The following LHX4 variants were observed in gnomAD, a reference collection of about 807,000 sequenced individuals.
The protein encoded by LHX4 is LIM homeobox 4, also known as LIM/homeobox protein Lhx4.
In LHX4, 16 loss-of-function variants were observed where a neutral mutation model predicts 39.2. That is an observed-to-expected ratio of 0.41 (90% CI 0.28 to 0.62). The LOEUF (loss-of-function observed/expected upper bound fraction) is 0.62. Among genes scored for constraint, LHX4 ranks in the 20% least tolerant of loss-of-function variants. The probability of loss-of-function intolerance (pLI) is 0.33; values close to 1 mark genes in which losing one functional copy is unlikely to be tolerated. For synonymous variants in LHX4, 206 were observed against 198.1 expected, an observed-to-expected ratio of 1.04 and a Z score of -0.33; for missense variants, 439 against 511.9, an observed-to-expected ratio of 0.86 and a Z score of 1.37.
At chr1:180,247,438 T>TG (rs1202534880) in intron 1 of LHX4, among the ~76,000 whole-genome samples, 1 of 152,230 alleles carries the variant, frequency 6.6e-6, no homozygotes, top group South Asian at 2.1e-4. Flanking sequence ...GCTTCTGCTG[T>TG]GACTGATCAG....
intron 1 of LHX4, among the ~76,000 whole-genome samples, chr1:180,239,241 C>T (rs924919657): frequency 9.2e-5 from 14 of 152,214 alleles, no homozygotes; most frequent in Admixed American, 6.5e-5. Flanking sequence ...ATGAGCCCCC[C>T]ACTGACAGTA....
intron 2 of LHX4, among the ~76,000 whole-genome samples, chr1:180,251,408 T>C (rs357070): frequency 0.23 from 34,325 of 152,146 alleles, 5,887 homozygotes; most frequent in African/African-American, 0.48. Context: ...GCAGACAGGA[T>C]CCCCAGTGGA....
intron 2 of LHX4, among the ~76,000 whole-genome samples, chr1:180,258,325 G>A (rs1031935833): frequency 1.3e-5 from 2 of 152,212 alleles, no homozygotes; most frequent in Non-Finnish European, 2.9e-5. Flanking sequence ...CAGTGCCCGG[G>A]CCCCAGGAGG....
At chr1:180,262,589 T>C (rs1406268190) in intron 2 of LHX4, among the ~76,000 whole-genome samples, 1 of 152,008 alleles carries the variant, frequency 6.6e-6, no homozygotes, top group Non-Finnish European at 1.5e-5. Context: ...GGGATTGTCC[T>C]GTGATTTCTA....
chr1:180,239,317 A>G (rs1664398470), intron 1 of LHX4, among the ~76,000 whole-genome samples: 1 of 152,254 alleles, frequency 6.6e-6, no homozygotes. Context: ...GAGGCAACAG[A>G]ACAGCAATGT....
chr1:180,235,383 G>C (rs1422807834), intron 1 of LHX4, among the ~76,000 whole-genome samples: 1 of 152,246 alleles, frequency 6.6e-6, no homozygotes, highest in Non-Finnish European at 1.5e-5. Context: ...CGCGAGTGCG[G>C]ACGGCGCGCC....
intron 2 of LHX4, among the ~76,000 whole-genome samples, chr1:180,252,873 C>T (rs190829756): frequency 7.2e-5 from 11 of 152,306 alleles, no homozygotes; most frequent in Admixed American, 7.2e-4. Context: ...AAATTGTACT[C>T]TGTGGTTGTT....
upstream of LHX4, among the ~76,000 whole-genome samples, chr1:180,229,337 C>CG (rs1558204381): frequency 4.6e-5 from 7 of 152,164 alleles, no homozygotes; most frequent in Non-Finnish European, 7.4e-5. Context: ...GGGGAGGCCC[C>CG]GCCGCGGGGA....
chr1:180,247,553 A>T (rs573082602), intron 1 of LHX4, among the ~76,000 whole-genome samples: 4 of 152,286 alleles, frequency 2.6e-5, no homozygotes, highest in Non-Finnish European at 4.4e-5. Flanking sequence ...TCAGTTCTGA[A>T]TTCAAGTCTT....
Position 180,262,281 on chromosome 1 carries a change from G to GA in LHX4, c.249-4092dup, listed in dbSNP as rs34979970. 2.1e-3 allele frequency among the ~76,000 whole-genome samples: 274 copies of GA among 132,532 alleles called. 4 individuals are homozygous for GA. Among genetic ancestry groups the GA allele is most frequent in the African/African-American group, 5.8e-3 (203 of 35,238 alleles). 86.9% of individuals were successfully genotyped at this position (132,532 alleles called of 152,430 possible). ...CTTCCTACAGAGATGACTTTGAAAGGAAAAAAAAAAAAAAAAAAAGGAAAA... is the reference window on the plus strand; with the variant it reads ...CTTCCTACAGAGATGACTTTGAAAGGAAAAAAAAAAAAAAAAAAAAGGAAAA... On this transcript the variant is annotated intron_variant, in intron 2 of 5. Coordinates refer to ENST00000263726, the MANE Select transcript of LHX4 (RefSeq NM_033343.4).
chr1:180,250,860 G>A lies in LHX4; in HGVS notation c.248+2404G>A, dbSNP rs925709744. ...GAGGGTCTCCCTAGACCCAGGAAGC[G>A]CCCACAGTGTGTGCTGAGGAGGGAT... On this transcript the variant is annotated intron_variant, in intron 2 of 5. Coordinates refer to ENST00000263726, the MANE Select transcript of LHX4 (RefSeq NM_033343.4). Among the ~76,000 whole-genome samples, 12 of 152,296 alleles carry A rather than the reference G, an allele frequency of 7.9e-5. No homozygotes were observed. In the East Asian group the frequency reaches 2.1e-3, roughly 27 times the overall value.
chr1:180,255,685 G>A (rs1174436049), intron 2 of LHX4, among the ~76,000 whole-genome samples: 1 of 152,212 alleles, frequency 6.6e-6, no homozygotes, highest in South Asian at 2.1e-4. Flanking sequence ...CTCCCCCAGG[G>A]ACCGAGGCTG....
chr1:180,264,740 A>G (rs887614386), intron 2 of LHX4, among the ~76,000 whole-genome samples: 1 of 152,132 alleles, frequency 6.6e-6, no homozygotes, highest in Non-Finnish European at 1.5e-5. Flanking sequence ...GCCTATGCTG[A>G]CCCTCACGCA....
At chr1:180,263,263 C>T (rs12093664) in intron 2 of LHX4, among the ~76,000 whole-genome samples, 5,268 of 152,292 alleles carry the variant, frequency 0.035, 190 homozygotes, top group African/African-American at 0.089. Flanking sequence ...TAGGCATGAC[C>T]GTGTGTCTCA....
In LHX4 at chr1:180,277,980, A is replaced by AAAAG. The variant is rs1340339015; in HGVS notation, c.*3403_*3406dup. 6.6e-6 allele frequency: 1 copy of AAAAG among 151,588 alleles called. No homozygotes were observed. Among genetic ancestry groups the AAAAG allele is most frequent in the Admixed American group, 6.6e-5 (1 of 15,238 alleles). 9.4% of individuals were successfully genotyped at this position (151,588 alleles called of 1,614,324 possible). On this transcript the variant is annotated 3_prime_UTR_variant, in exon 6 of 6. Coordinates refer to ENST00000263726, the MANE Select transcript of LHX4 (RefSeq NM_033343.4). Reference sequence around the variant, plus strand: ...AGGAAGTGTAAGAAATCTGTAAAACAAAAGACATTCCTATCTCAGAAGCTC... The same window carrying AAAAG: ...AGGAAGTGTAAGAAATCTGTAAAACAAAAGAAAGACATTCCTATCTCAGAAGCTC...
intron 3 of LHX4, among the ~76,000 whole-genome samples, chr1:180,267,289 G>A (rs577022059): frequency 2.6e-5 from 4 of 152,206 alleles, no homozygotes; most frequent in Non-Finnish European, 5.9e-5. Flanking sequence ...CACTGCCCAC[G>A]GTGGCAGCAG....
intron 1 of LHX4, among the ~76,000 whole-genome samples, chr1:180,241,162 G>A (rs1425480281): frequency 5.9e-5 from 9 of 152,174 alleles, no homozygotes; most frequent in East Asian, 1.9e-4. Context: ...CCACATGTTC[G>A]GAGAGACCAA....
chr1:180,267,794 A>C (rs533014382), intron 3 of LHX4, among the ~76,000 whole-genome samples: 2 of 152,356 alleles, frequency 1.3e-5, no homozygotes, highest in African/African-American at 4.8e-5. Flanking sequence ...GATCTCATCA[A>C]TAATGGAGAA....
chr1:180,251,209 G>A lies in LHX4; in HGVS notation c.248+2753G>A, dbSNP rs1237165611. 6.6e-5 allele frequency among the ~76,000 whole-genome samples: 10 copies of A among 152,180 alleles called. No individual in the cohort carries two copies. In the South Asian group the frequency reaches 1.4e-3, roughly 22 times the overall value. On this transcript the variant is annotated intron_variant, in intron 2 of 5. Coordinates refer to ENST00000263726, the MANE Select transcript of LHX4 (RefSeq NM_033343.4). ...TGGCGCATCAGAGCCTCCTGCCGGC[G>A]CTCCCTTCCAGTCCTAGCCCGCTGC...
Sources: allele counts gnomAD v4.1 joint callset (sites outside exome capture counted in the v4.1 genomes callset), GRCh38; gene constraint gnomAD v4.1.1; transcripts MANE v1.5; gene names NCBI Gene and HGNC (gene_info 2026-07-23, HGNC 2026-07-21).